DNAH7: variants seen among roughly 807,000 people sequenced by gnomAD.
DNAH7 encodes axonemal beta dynein heavy chain 7.
A neutral mutation model predicts 444.6 loss-of-function variants in DNAH7; 397 were observed. The ratio of observed to expected loss-of-function variants is 0.89; its 90% CI spans 0.82 to 0.97. DNAH7 has a LOEUF of 0.97. Among genes scored for constraint, DNAH7 ranks in the 50% least tolerant of loss-of-function variants. The probability of loss-of-function intolerance (pLI) is 0.00; values close to 1 mark genes in which losing one functional copy is unlikely to be tolerated. For missense variants in DNAH7, 4,902 were observed against 4,800.8 expected (o/e 1.02, Z -0.62); for synonymous variants, 1,636 against 1,624.4 (o/e 1.01, Z -0.17).
Position 195,824,418 on chromosome 2 carries a change from A to G in DNAH7, c.9128T>C (p.Leu3043Pro), listed in dbSNP as rs1267293504. Residue 3043 changes from leucine (L) to proline (P), a missense_variant, in exon 49 of 65, where the codon CTA becomes CCA. By Grantham distance (98) the Leu-to-Pro change is moderately conservative. Coordinates refer to ENST00000312428, the MANE Select transcript of DNAH7 (RefSeq NM_018897.3). ...TAGAAGAGGTTCCAAAATAGGATCT[A>G]GTTCTTCGCCAACATTTTCTAGCAA... ...PVLLENVGEE[L>P]DPILEPLLLK... 6 of 1,606,850 alleles carry G rather than the reference A, an allele frequency of 3.7e-6. No homozygotes were observed. The highest frequency in any genetic ancestry group is 5.1e-6 in the Non-Finnish European group (6 of 1,177,054).
chr2:195,988,886 T>C (rs1018979385), intron 12 of DNAH7, among the ~76,000 whole-genome samples: 6 of 152,170 alleles, frequency 3.9e-5, no homozygotes, highest in African/African-American at 1.4e-4. Context: ...CTACTCTTTA[T>C]TTCTATGAGA....
intron 10 of DNAH7, among the ~76,000 whole-genome samples, chr2:196,005,393 A>C (rs1419996928): frequency 6.6e-6 from 1 of 152,004 alleles, no homozygotes; most frequent in African/African-American, 2.4e-5. Flanking sequence ...AATATTGAAT[A>C]GAAAAATAAA....
chr2:195,923,926 T>A, intron 22 of DNAH7, 119 bp from the exon 23 acceptor site: 1 of 927,142 alleles, frequency 1.1e-6, no homozygotes, highest in Non-Finnish European at 1.6e-6. Context: ...ACTTTCCATG[T>A]AATACAATTT....
intron 63 of DNAH7, among the ~76,000 whole-genome samples, chr2:195,742,918 G>C (rs1468142417): frequency 6.6e-6 from 1 of 152,198 alleles, no homozygotes; most frequent in Non-Finnish European, 1.5e-5. Context: ...TCCTGGGTGT[G>C]TCTAAGAGGG....
At chr2:195,876,868 T>A (rs1022871367) in intron 36 of DNAH7, among the ~76,000 whole-genome samples, 169 bp from the exon 37 acceptor site, 2 of 152,160 alleles carry the variant, frequency 1.3e-5, no homozygotes, top group African/African-American at 4.8e-5. Flanking sequence ...ATGGAGTGTC[T>A]CCATCTGTCC....
chr2:195,986,855 T>C (rs1013938593), intron 14 of DNAH7, among the ~76,000 whole-genome samples: 2 of 152,120 alleles, frequency 1.3e-5, no homozygotes, highest in Admixed American at 1.3e-4. Flanking sequence ...ACTCAGACAA[T>C]TGGGGAGGCA....
intron 17 of DNAH7, among the ~76,000 whole-genome samples, chr2:195,963,095 GAT>G (rs986918357): frequency 2.6e-5 from 4 of 152,160 alleles, no homozygotes; most frequent in Non-Finnish European, 5.9e-5. Flanking sequence ...ATATCTCTTT[GAT>G]ATCTTGACTT....
chr2:196,027,733 T>C lies in DNAH7; in HGVS notation c.486+227A>G, dbSNP rs556560155. On this transcript the variant is annotated intron_variant, in intron 6 of 64. Transcript: ENST00000312428. ...TACATGACTGAAGCTGGCTTTAATA[T>C]GGAGAGCAGGTAGATTTGAAATTTT... 9.1e-4 allele frequency among the ~76,000 whole-genome samples: 138 copies of C among 152,204 alleles called. No individual in the cohort carries two copies. In the Middle Eastern group the frequency reaches 0.017, roughly 19 times the overall value.
intron 27 of DNAH7, among the ~76,000 whole-genome samples, chr2:195,906,067 C>T (rs1208458750): frequency 6.6e-6 from 1 of 151,892 alleles, no homozygotes; most frequent in African/African-American, 2.4e-5. Context: ...TGGGAACGTG[C>T]TCATGATATA....
chr2:196,013,737 T>G (rs887899780), intron 9 of DNAH7, among the ~76,000 whole-genome samples: 2 of 152,246 alleles, frequency 1.3e-5, no homozygotes, highest in African/African-American at 4.8e-5. Context: ...TGTGTTATTC[T>G]GCATAATTGA....
intron 19 of DNAH7, among the ~76,000 whole-genome samples, chr2:195,951,062 C>A (rs900959357): frequency 1.3e-5 from 2 of 152,040 alleles, no homozygotes; most frequent in Non-Finnish European, 2.9e-5. Flanking sequence ...TTCCCACTTT[C>A]TCCTGTGAGC....
At chr2:196,049,568 A>C (rs1697340859) in intron 3 of DNAH7, among the ~76,000 whole-genome samples, 1 of 152,238 alleles carries the variant, frequency 6.6e-6, no homozygotes. Context: ...TACAAACCTT[A>C]ATACTGTATT....
chr2:195,786,743 T>C (rs1695643532), intron 58 of DNAH7, among the ~76,000 whole-genome samples: 1 of 152,208 alleles, frequency 6.6e-6, no homozygotes, highest in African/African-American at 2.4e-5. Context: ...TATAATATTA[T>C]CATTTTTTGG....
At chr2:196,003,374 G>C (rs987676627) in intron 10 of DNAH7, among the ~76,000 whole-genome samples, 1 of 152,136 alleles carries the variant, frequency 6.6e-6, no homozygotes, top group African/African-American at 2.4e-5. Context: ...TGCAGAACTG[G>C]AAAGAGGACA....
intron 1 of DNAH7, among the ~76,000 whole-genome samples, chr2:196,065,177 A>G (rs540024980): frequency 1.3e-5 from 2 of 152,316 alleles, no homozygotes; most frequent in Admixed American, 1.3e-4. Context: ...TAGGATCTAC[A>G]CTGCATGAAA....
rs756114918 is a variant in DNAH7 at position 195,957,313 on chromosome 2, C to T, written c.3026G>A (p.Arg1009Gln). ...CCATGTCTTATCCACAGCTGTAAAT[C>T]GTCTGCCTTCCTCAGGCATTTGAGA... ...IMSQMPEEGR[R>Q]FTAVDKTWRD... is the part of the protein sequence containing the mutation. The change falls in exon 19 of 65, where the codon CGA becomes CAA. Residue 1009 changes from arginine (R) to glutamine (Q), a missense_variant. Arg to Gln is a conservative substitution (Grantham distance 43). Coordinates refer to ENST00000312428, the MANE Select transcript of DNAH7 (RefSeq NM_018897.3). The T allele has an allele frequency of 1.7e-5, 27 of 1,604,882 alleles. No individual in the cohort carries two copies. Among genetic ancestry groups the T allele is most frequent in the Non-Finnish European group, 2.2e-5 (26 of 1,173,674 alleles).
At chr2:195,922,959 T>C (rs1437048782) in intron 23 of DNAH7, among the ~76,000 whole-genome samples, 1 of 150,546 alleles carries the variant, frequency 6.6e-6, no homozygotes, top group Non-Finnish European at 1.5e-5. Flanking sequence ...CCTCCTGGGG[T>C]TCAAGCAATT....
At chr2:195,786,701 T>A (rs1695641406) in intron 58 of DNAH7, among the ~76,000 whole-genome samples, 1 of 151,368 alleles carries the variant, frequency 6.6e-6, no homozygotes, top group South Asian at 2.1e-4. Context: ...GGAACCTGGT[T>A]AATAGTCTTC....
chr2:195,967,669 C>T (rs1691572898), intron 17 of DNAH7, among the ~76,000 whole-genome samples: 1 of 152,128 alleles, frequency 6.6e-6, no homozygotes, highest in Non-Finnish European at 1.5e-5. Context: ...TATGTCATGC[C>T]ATTGTCCTGG....
Sources: allele counts gnomAD v4.1 joint callset (sites outside exome capture counted in the v4.1 genomes callset), GRCh38; gene constraint gnomAD v4.1.1; transcripts MANE v1.5; gene names NCBI Gene and HGNC (gene_info 2026-07-23, HGNC 2026-07-21).